The following MGAT4A variants were observed in gnomAD, a reference collection of about 807,000 sequenced individuals.
MGAT4A encodes N-acetylglucosaminyltransferase IVa.
MGAT4A carries 33 observed loss-of-function variants against 74.1 expected under a neutral mutation model. The ratio of observed to expected loss-of-function variants is 0.45; its 90% CI spans 0.34 to 0.60. The LOEUF (loss-of-function observed/expected upper bound fraction) is 0.60, where lower values mean the gene tolerates loss of function less well. MGAT4A is among the 20% of genes least tolerant of loss of function. The probability of loss-of-function intolerance (pLI) is 0.02; values close to 1 mark genes in which losing one functional copy is unlikely to be tolerated. For missense variants in MGAT4A, 479 were observed against 628.3 expected (o/e 0.76, Z 2.54); for synonymous variants, 198 against 210.4 (o/e 0.94, Z 0.51).
rs570932445 is a variant in MGAT4A, at chr2:98,653,125, A to C, written c.774+2320T>G. 6.0e-3 allele frequency among the ~76,000 whole-genome samples: 892 copies of C among 149,808 alleles called. 5 individuals carry two copies. Among genetic ancestry groups the C allele is most frequent in the Non-Finnish European group, 8.7e-3 (580 of 66,694 alleles). ...AAATCCAGAAACAAACGAAAACAAA[A>C]AAAAAAATATACCAAAATGTATGAT... On this transcript the variant is annotated intron_variant, in intron 8 of 15. Transcript: ENST00000393487.
intron 2 of MGAT4A, among the ~76,000 whole-genome samples, chr2:98,697,364 T>C (rs1177279362): frequency 6.6e-6 from 1 of 152,142 alleles, no homozygotes; most frequent in Non-Finnish European, 1.5e-5. Context: ...TGAAGGATAA[T>C]AGACTAGGTT....
At chr2:98,645,574 T>G (rs772461042) in intron 8 of MGAT4A, 32 bp from the exon 9 acceptor site, 5 of 1,412,768 alleles carry the variant, frequency 3.5e-6, no homozygotes, top group Non-Finnish European at 4.8e-6. Flanking sequence ...TATTAATACA[T>G]CAAAAAAAGA....
chr2:98,680,417 G>GA (rs1297733227), intron 2 of MGAT4A, among the ~76,000 whole-genome samples: 3 of 152,164 alleles, frequency 2.0e-5, no homozygotes. Context: ...ACAGACTTAT[G>GA]AAAAATGAAT....
intron 2 of MGAT4A, among the ~76,000 whole-genome samples, chr2:98,707,785 T>G (rs372907526): frequency 6.6e-6 from 1 of 152,184 alleles, no homozygotes; most frequent in Non-Finnish European, 1.5e-5. Flanking sequence ...CCACCCTGCC[T>G]GTCCCTTCTG....
chr2:98,642,183 A>T (rs1701420824), intron 10 of MGAT4A, among the ~76,000 whole-genome samples: 1 of 152,106 alleles, frequency 6.6e-6, no homozygotes, highest in African/African-American at 2.4e-5. Flanking sequence ...GAAGAGTCAA[A>T]GGGAAGGGCA....
At chr2:98,696,598 G>A (rs1391871221) in intron 2 of MGAT4A, among the ~76,000 whole-genome samples, 2 of 152,226 alleles carry the variant, frequency 1.3e-5, no homozygotes, top group Non-Finnish European at 2.9e-5. Flanking sequence ...GGGGAAATAA[G>A]TACCCAAGTC....
intron 4 of MGAT4A, among the ~76,000 whole-genome samples, chr2:98,664,371 T>C (rs1164499629): frequency 6.6e-6 from 1 of 152,170 alleles, no homozygotes; most frequent in Non-Finnish European, 1.5e-5. Context: ...AACACATGAA[T>C]TTCACATTAG....
intron 8 of MGAT4A, among the ~76,000 whole-genome samples, chr2:98,652,370 G>T (rs370047112): frequency 8.7e-5 from 12 of 138,414 alleles, no homozygotes; most frequent in African/African-American, 3.3e-4. Context: ...TCACTGTGTC[G>T]CCCAGGCTGG....
chr2:98,689,695 C>T (rs867740254), intron 2 of MGAT4A, among the ~76,000 whole-genome samples: 5 of 152,008 alleles, frequency 3.3e-5, no homozygotes, highest in Admixed American at 6.5e-5. Context: ...TGGTGGCAGA[C>T]GCCTGTAGTC....
chr2:98,709,856 A>G (rs1460913215), intron 2 of MGAT4A, among the ~76,000 whole-genome samples: 2 of 152,220 alleles, frequency 1.3e-5, no homozygotes, highest in Non-Finnish European at 2.9e-5. Context: ...TCCCTAGCCC[A>G]CAACACTTTT....
chr2:98,641,534 T>C (rs1292742474), intron 10 of MGAT4A, among the ~76,000 whole-genome samples: 1 of 140,532 alleles, frequency 7.1e-6, no homozygotes. Flanking sequence ...TAGCCGGGCG[T>C]GGTGGCGGGC....
chr2:98,628,553 G>A (rs1390616064), intron 14 of MGAT4A, among the ~76,000 whole-genome samples: 1 of 152,198 alleles, frequency 6.6e-6, no homozygotes, highest in African/African-American at 2.4e-5. Flanking sequence ...CTGCTGTGAT[G>A]AGATATTCCA....
rs1575236745 is a variant in MGAT4A, at chr2:98,624,009, T to C, written c.*1557A>G. The C allele has an allele frequency of 1.0e-6, 1 of 985,382 alleles. No individual in the cohort carries two copies. Among genetic ancestry groups the C allele is most frequent in the South Asian group, 4.7e-5 (1 of 21,296 alleles). The allele number at this position is 985,382 out of a possible 1,614,324, so 61.0% of individuals were successfully genotyped here. Reference sequence around the variant, plus strand: ...CAGACTGGCTGGGAACTGATGTTGATACTTCATCTTTTTTTTTTTTTGAGA... The same window carrying C: ...CAGACTGGCTGGGAACTGATGTTGACACTTCATCTTTTTTTTTTTTTGAGA... On this transcript the variant is annotated 3_prime_UTR_variant, in exon 16 of 16. Coordinates refer to ENST00000393487, the MANE Select transcript of MGAT4A (RefSeq NM_012214.3).
At position 98,667,093 on chromosome 2, in the gene MGAT4A, G is replaced by T. The variant is rs180938609; in HGVS notation, c.404-3914C>A. 5.8e-4 allele frequency among the ~76,000 whole-genome samples: 77 copies of T among 133,854 alleles called. No individual in the cohort carries two copies. In the East Asian group the frequency reaches 8.8e-3, roughly 15 times the overall value. 87.8% of individuals were successfully genotyped at this position (133,854 alleles called of 152,430 possible). On this transcript the variant is annotated intron_variant, in intron 4 of 15. Coordinates refer to ENST00000393487, the MANE Select transcript of MGAT4A (RefSeq NM_012214.3). Reference sequence around the variant, plus strand: ...TAAAAAGAGGAGTTCCCCTGCACAAGCTTGCTCTCTGCCTGCTGCCATCCA... The same window carrying T: ...TAAAAAGAGGAGTTCCCCTGCACAATCTTGCTCTCTGCCTGCTGCCATCCA...
At chr2:98,696,526 C>A (rs961252882) in intron 2 of MGAT4A, among the ~76,000 whole-genome samples, 3 of 152,186 alleles carry the variant, frequency 2.0e-5, no homozygotes, top group Admixed American at 2.0e-4. Context: ...CATGTTGCTG[C>A]CAGAATACAA....
intron 8 of MGAT4A, among the ~76,000 whole-genome samples, chr2:98,651,894 C>T (rs1701584153): frequency 6.6e-6 from 1 of 152,026 alleles, no homozygotes; most frequent in African/African-American, 2.4e-5. Context: ...AAATCCAGAA[C>T]TGAAAGAAAA....
chr2:98,680,129 C>T (rs1040455027), intron 2 of MGAT4A, among the ~76,000 whole-genome samples: 5 of 150,648 alleles, frequency 3.3e-5, no homozygotes, highest in Non-Finnish European at 5.9e-5. Context: ...CTGCAACCTC[C>T]GCCCCCTGGA....
intron 2 of MGAT4A, among the ~76,000 whole-genome samples, chr2:98,686,773 C>G (rs1702136814): frequency 6.6e-6 from 1 of 152,152 alleles, no homozygotes; most frequent in African/African-American, 2.4e-5. Context: ...TCCTGAACTC[C>G]TGACCTCAAG....
chr2:98,649,527 T>C (rs1701546691), intron 8 of MGAT4A, among the ~76,000 whole-genome samples: 1 of 152,116 alleles, frequency 6.6e-6, no homozygotes, highest in African/African-American at 2.4e-5. Context: ...TAAATCATAG[T>C]GTCAGGAACA....
Sources: allele counts gnomAD v4.1 joint callset (sites outside exome capture counted in the v4.1 genomes callset), GRCh38; gene constraint gnomAD v4.1.1; transcripts MANE v1.5; gene names NCBI Gene and HGNC (gene_info 2026-07-23, HGNC 2026-07-21).